The following CAVIN4 variants were observed in gnomAD, a reference collection of about 807,000 sequenced individuals.
The protein encoded by CAVIN4 is caveolae associated protein 4, also known as caveolae-associated protein 4.
In CAVIN4, 10 loss-of-function variants were observed where a neutral mutation model predicts 18.6. The observed-to-expected ratio is 0.54, with a 90% confidence interval of 0.33 to 0.91. The LOEUF (loss-of-function observed/expected upper bound fraction) is 0.91. Ranked by LOEUF, CAVIN4 falls within the 40% of genes least tolerant of loss-of-function variation. The probability of loss-of-function intolerance (pLI) is 0.02; values close to 1 mark genes in which losing one functional copy is unlikely to be tolerated. For missense variants in CAVIN4, 459 were observed against 440.5 expected, an observed-to-expected ratio of 1.04 and a Z score of -0.38; for synonymous variants, 173 against 164.8, an observed-to-expected ratio of 1.05 and a Z score of -0.38.
chr9:100,578,450 G>T lies in CAVIN4; in HGVS notation c.307G>T (p.Val103Leu). 5 of 1,614,078 alleles carry T rather than the reference G, an allele frequency of 3.1e-6. No homozygotes were observed. The highest frequency in any genetic ancestry group is 4.2e-6 in the Non-Finnish European group (5 of 1,179,960). ...TRKVSAHIKD[V>L]KARVEKQQIH... is the part of the protein sequence containing the mutation. ...AAAAGTTAGTGCTCACATTAAAGAT[G>T]TGAAAGCCCGGGTGGAGAAGCAACA... The change falls in exon 1 of 2, where the codon GTG becomes TTG. Residue 103 changes from valine to leucine, a missense_variant. Coordinates refer to ENST00000307584, the MANE Select transcript of CAVIN4 (RefSeq NM_001018116.2).
In CAVIN4 at chr9:100,578,132, G is replaced by T; in HGVS notation, c.-12G>T. On this transcript the variant is annotated 5_prime_UTR_variant, in exon 1 of 2. Coordinates refer to ENST00000307584, the MANE Select transcript of CAVIN4 (RefSeq NM_001018116.2). ...TTGTGGTTAGGACATCTTACGCTGA[G>T]AAATAAATAAAATGGAACATAATGG... 1 of 1,613,348 alleles carries T rather than the reference G, an allele frequency of 6.2e-7. No homozygotes were observed. Among genetic ancestry groups the T allele is most frequent in the South Asian group, 1.1e-5 (1 of 90,876 alleles).
intron 1 of CAVIN4, among the ~76,000 whole-genome samples, chr9:100,583,955 C>G (rs1451700302): frequency 2.0e-5 from 3 of 152,182 alleles, no homozygotes; most frequent in Non-Finnish European, 4.4e-5. Flanking sequence ...TCCTGCAAGG[C>G]TTTTAGAAGA....
upstream of CAVIN4, chr9:100,578,044 A>T: frequency 8.0e-7 from 1 of 1,244,010 alleles, no homozygotes; most frequent in South Asian, 1.2e-5. Flanking sequence ...GGGGTTTCCA[A>T]CTCTTTAAAC....
Position 100,586,128 on chromosome 9 carries a change from T to C in CAVIN4, c.772T>C (p.Ser258Pro), listed in dbSNP as rs536624756. The C allele has an allele frequency of 1.3e-6, 2 of 1,588,024 alleles. No homozygotes were observed. Among genetic ancestry groups the C allele is most frequent in the African/African-American group, 2.7e-5 (2 of 73,610 alleles). Residue 258 changes from serine to proline, a missense_variant, in exon 2 of 2, where the codon TCT becomes CCT. By Grantham distance (74) the Ser-to-Pro change is moderately conservative (BLOSUM62 -1). Coordinates refer to ENST00000307584, the MANE Select transcript of CAVIN4 (RefSeq NM_001018116.2). The part of the protein sequence containing the change: ...LRQSGERFKK[S>P]ISNAAPSKEA... Reference sequence around the variant, plus strand: ...ACAGTCAGGGGAGAGGTTTAAGAAATCTATTTCTAATGCAGCTCCCTCAAA... The same window carrying C: ...ACAGTCAGGGGAGAGGTTTAAGAAACCTATTTCTAATGCAGCTCCCTCAAA...
In CAVIN4 at chr9:100,586,327, C is replaced by T. The variant is rs147742000; in HGVS notation, c.971C>T (p.Pro324Leu). ...GAACCAGAACACGAGGCAGCCAGGC[C>T]GGTGTATCCTCCCCATGAAGGAAGG... Reference protein sequence around the residue: ...LSEPEHEAARPVYPPHEGREI... With the variant: ...LSEPEHEAARLVYPPHEGREI... Residue 324 changes from proline to leucine, a missense_variant, in exon 2 of 2, where the codon CCG becomes CTG. Coordinates refer to ENST00000307584, the MANE Select transcript of CAVIN4 (RefSeq NM_001018116.2). 1.1e-4 allele frequency: 185 copies of T among 1,613,866 alleles called. 1 individual carries two copies. The African/African-American group carries it at 1.5e-3, about 13-fold the overall frequency.
chr9:100,586,594 A>T lies in CAVIN4; in HGVS notation c.*143A>T. 4 of 547,070 alleles carry T rather than the reference A, an allele frequency of 7.3e-6. No individual in the cohort carries two copies. The highest frequency in any genetic ancestry group is 1.2e-5 in the Non-Finnish European group (4 of 329,440). The allele number at this position is 547,070 out of a possible 1,614,324, so 33.9% of individuals were successfully genotyped here. On this transcript the variant is annotated 3_prime_UTR_variant, in exon 2 of 2. Coordinates refer to ENST00000307584, the MANE Select transcript of CAVIN4 (RefSeq NM_001018116.2). Reference sequence around the variant, plus strand: ...TATTTAAAATCTTGAAGATAATATAAATATTATTATCACTCTTTCTCATGG... The same window carrying T: ...TATTTAAAATCTTGAAGATAATATATATATTATTATCACTCTTTCTCATGG...
intron 1 of CAVIN4, among the ~76,000 whole-genome samples, chr9:100,579,733 T>C (rs780398057): frequency 1.2e-4 from 19 of 152,166 alleles, no homozygotes; most frequent in Non-Finnish European, 2.2e-4. Flanking sequence ...TGAGTACTTA[T>C]GTACATAGGA....
rs1839472258 is a variant in CAVIN4 at position 100,586,007 on chromosome 9, A to G, written c.651A>G (p.Lys217=). The G allele has an allele frequency of 1.2e-6, 2 of 1,614,236 alleles. No homozygotes were observed. Among genetic ancestry groups the G allele is most frequent in the Non-Finnish European group, 1.7e-6 (2 of 1,180,040 alleles). The change falls in exon 2 of 2, where the codon AAA becomes AAG. Residue 217 remains lysine, a synonymous_variant. Coordinates refer to ENST00000307584, the MANE Select transcript of CAVIN4 (RefSeq NM_001018116.2). ...MQKTRQNLDK[K]VNRIRTRIVT... is the part of the protein sequence containing the mutation. ...AGACACGGCAGAATCTTGACAAGAA[A>G]GTGAACAGAATTAGAACTAGAATAG... is the stretch of plus-strand genomic sequence containing the variant.
At position 100,587,499 on chromosome 9, in the gene CAVIN4, T is replaced by A. The variant is rs1279437880; in HGVS notation, c.*1048T>A. On this transcript the variant is annotated 3_prime_UTR_variant, in exon 2 of 2. Transcript: ENST00000307584. The stretch of plus-strand genomic sequence containing the variant: ...CTGTCCAAAACAGTGTTGATAGGAG[T>A]TCATCATAGCTGCTTTGGGAGGAAG... 6.6e-6 allele frequency: 1 copy of A among 152,144 alleles called. No homozygotes were observed. The highest frequency in any genetic ancestry group is 6.5e-5 in the Admixed American group (1 of 15,272). 9.4% of individuals were successfully genotyped at this position (152,144 alleles called of 1,614,324 possible).
At chr9:100,584,359 A>G (rs532849264) in intron 1 of CAVIN4, among the ~76,000 whole-genome samples, 39 of 152,160 alleles carry the variant, frequency 2.6e-4, no homozygotes, top group African/African-American at 9.4e-4. Flanking sequence ...AGTTTCTAGA[A>G]CCAGAAAATT....
chr9:100,577,070 C>T (rs776401242), upstream of CAVIN4: 3 of 153,886 alleles, frequency 1.9e-5, no homozygotes, highest in Non-Finnish European at 4.4e-5. Context: ...CACTGCCTAT[C>T]GCATGAACTG....
chr9:100,580,022 G>A (rs1326415028), intron 1 of CAVIN4, among the ~76,000 whole-genome samples: 5 of 151,388 alleles, frequency 3.3e-5, no homozygotes, highest in Non-Finnish European at 4.4e-5. Context: ...TATGCTATTT[G>A]AAGTTCTTTA....
chr9:100,579,308 A>G (rs1466536786), intron 1 of CAVIN4, among the ~76,000 whole-genome samples: 3 of 152,218 alleles, frequency 2.0e-5, no homozygotes, highest in African/African-American at 7.2e-5. Context: ...AATGCATAAT[A>G]TCTATGGTAT....
In CAVIN4 at chr9:100,578,895, TAGA is replaced by T. The variant is rs375249875; in HGVS notation, c.408+351_408+353del. On this transcript the variant is annotated intron_variant, in intron 1 of 1. Transcript: ENST00000307584. ...TCATAGACTTTGAAAATGTTAGAAC[TAGA>T]AGAAGACTCAGAAGCCTCTAGTTTA... 1.1e-3 allele frequency among the ~76,000 whole-genome samples: 164 copies of T among 152,304 alleles called. 2 individuals carry two copies. Among genetic ancestry groups the T allele is most frequent in the African/African-American group, 3.5e-3 (147 of 41,566 alleles).
rs118055029 is a variant in CAVIN4 at position 100,584,320 on chromosome 9, T to A, written c.409-1445T>A. 2.3e-3 allele frequency among the ~76,000 whole-genome samples: 343 copies of A among 152,338 alleles called. 1 individual carries two copies. Among genetic ancestry groups the A allele is most frequent in the South Asian group, 0.012 (60 of 4,826 alleles). On this transcript the variant is annotated intron_variant, in intron 1 of 1. Transcript: ENST00000307584. ...TCCCTCTCCGAGAATATAAGCTCTTTCACTCTTTTGTCTTCAAAGAAGCTT... is the reference window on the plus strand; with the variant it reads ...TCCCTCTCCGAGAATATAAGCTCTTACACTCTTTTGTCTTCAAAGAAGCTT...
rs1473097274 is a variant in CAVIN4, at chr9:100,588,012, G to A, written c.*1561G>A. On this transcript the variant is annotated 3_prime_UTR_variant, in exon 2 of 2. Coordinates refer to ENST00000307584, the MANE Select transcript of CAVIN4 (RefSeq NM_001018116.2). ...TGAAATTGTTGAATTTGAAGAGTTG[G>A]GACAACGATCAGCTATCCCACTTTT... The A allele has an allele frequency of 6.6e-6, 1 of 152,188 alleles. No individual in the cohort carries two copies. Among genetic ancestry groups the A allele is most frequent in the Non-Finnish European group, 1.5e-5 (1 of 68,032 alleles). The allele number at this position is 152,188 out of a possible 1,614,324, so 9.4% of individuals were successfully genotyped here.
At chr9:100,582,841 A>C (rs1839441746) in intron 1 of CAVIN4, among the ~76,000 whole-genome samples, 1 of 152,156 alleles carries the variant, frequency 6.6e-6, no homozygotes, top group Admixed American at 6.5e-5. Context: ...GCAAGACCTA[A>C]CTTGACCTGA....
rs876657508 is a variant in CAVIN4 at position 100,586,047 on chromosome 9, AGAGAGAGGCTAAGGCAGTCAG to A, written c.702_722del (p.Leu248_Arg254del). 5,359 of 1,614,020 alleles carry A rather than the reference AGAGAGAGGCTAAGGCAGTCAG, an allele frequency of 3.3e-3. 11 individuals carry two copies. The highest frequency in any genetic ancestry group is 4.1e-3 in the Non-Finnish European group (4,820 of 1,179,860). On this transcript the variant is annotated inframe_deletion, in exon 2 of 2. Coordinates refer to ENST00000307584, the MANE Select transcript of CAVIN4 (RefSeq NM_001018116.2). ...AACTAGAATAGTGACCCCGGAGAGG[AGAGAGAGGCTAAGGCAGTCAG>A]GAGAGAGGCTGAGACAGTCAGGGGA... is the stretch of plus-strand genomic sequence containing the variant.
At chr9:100,585,226 G>T (rs1839464303) in intron 1 of CAVIN4, among the ~76,000 whole-genome samples, 1 of 152,216 alleles carries the variant, frequency 6.6e-6, no homozygotes, top group Non-Finnish European at 1.5e-5. Context: ...GGAGGGAACA[G>T]ATAAGTTGTT....
Sources: allele counts gnomAD v4.1 joint callset (sites outside exome capture counted in the v4.1 genomes callset), GRCh38; gene constraint gnomAD v4.1.1; transcripts MANE v1.5; gene names NCBI Gene and HGNC (gene_info 2026-07-23, HGNC 2026-07-21).